The following RGS10 variants were observed in gnomAD, a reference collection of about 807,000 sequenced individuals.
RGS10 encodes the protein regulator of G-protein signalling 10.
RGS10 carries 11 observed loss-of-function variants against 23.5 expected under a neutral mutation model. The ratio of observed to expected loss-of-function variants is 0.47; its 90% CI spans 0.29 to 0.77. RGS10 has a LOEUF of 0.77. Among genes scored for constraint, RGS10 ranks in the 30% least tolerant of loss-of-function variants. The probability of loss-of-function intolerance (pLI) is 0.08; values close to 1 mark genes in which losing one functional copy is unlikely to be tolerated. For missense variants in RGS10, 180 were observed against 226.3 expected (o/e 0.80, Z 1.31); for synonymous variants, 77 against 83.2 (o/e 0.92, Z 0.41).
chr10:119,513,241 T>C (rs1455186296), intron 4 of RGS10, among the ~76,000 whole-genome samples: 2 of 152,146 alleles, frequency 1.3e-5, no homozygotes, highest in Non-Finnish European at 2.9e-5. Flanking sequence ...GAGAATTGCC[T>C]GAGCTCAGGA....
At chr10:119,506,334 C>T (rs1351716291) in intron 4 of RGS10, among the ~76,000 whole-genome samples, 1 of 152,210 alleles carries the variant, frequency 6.6e-6, no homozygotes, top group Admixed American at 6.5e-5. Flanking sequence ...AGCGCCAGGA[C>T]GGGCCACACA....
At chr10:119,512,054 G>A (rs1045157727) in intron 4 of RGS10, among the ~76,000 whole-genome samples, 5 of 152,150 alleles carry the variant, frequency 3.3e-5, no homozygotes, top group Admixed American at 1.3e-4. Flanking sequence ...AGATTTTCCC[G>A]TTCTTCTAGG....
chr10:119,529,692 C>T (rs1303137878), intron 1 of RGS10, among the ~76,000 whole-genome samples: 3 of 152,190 alleles, frequency 2.0e-5, no homozygotes, highest in African/African-American at 7.2e-5. Flanking sequence ...AAGCAAACTA[C>T]TTCTATAACT....
intron 1 of RGS10, among the ~76,000 whole-genome samples, chr10:119,535,959 A>G (rs1442401830): frequency 1.3e-5 from 2 of 152,226 alleles, no homozygotes; most frequent in Non-Finnish European, 2.9e-5. Context: ...AGTGTAGTAC[A>G]TTTTTTAAAA....
In RGS10 at chr10:119,500,958, T is replaced by G. The variant is rs1170110888; in HGVS notation, c.400-699A>C. ...AAGAGGACACCCGACAGAGCTGAAGTGCCCCAGATTAGACGGCTGCCCCCG... is the reference window on the plus strand; with the variant it reads ...AAGAGGACACCCGACAGAGCTGAAGGGCCCCAGATTAGACGGCTGCCCCCG... On this transcript the variant is annotated intron_variant, in intron 4 of 4. Coordinates refer to ENST00000369103, the MANE Select transcript of RGS10 (RefSeq NM_001005339.2). Among the ~76,000 whole-genome samples, 9 of 152,064 alleles carry G rather than the reference T, an allele frequency of 5.9e-5. No individual in the cohort carries two copies. In the East Asian group the frequency reaches 1.7e-3, roughly 29 times the overall value.
chr10:119,516,033 C>T (rs924392114), intron 3 of RGS10, among the ~76,000 whole-genome samples: 5 of 152,206 alleles, frequency 3.3e-5, no homozygotes, highest in African/African-American at 1.2e-4. Flanking sequence ...AGATTGATCA[C>T]CTGAGGTCAG....
Position 119,542,640 on chromosome 10 carries a change from G to A in RGS10, c.-2C>T. 1 of 1,403,772 alleles carries A rather than the reference G, an allele frequency of 7.1e-7. No individual in the cohort carries two copies. Among genetic ancestry groups the A allele is most frequent in the South Asian group, 1.5e-5 (1 of 68,460 alleles). 87.0% of individuals were successfully genotyped at this position (1,403,772 alleles called of 1,614,324 possible). On this transcript the variant is annotated 5_prime_UTR_variant, in exon 1 of 5. Coordinates refer to ENST00000369103, the MANE Select transcript of RGS10 (RefSeq NM_001005339.2). The stretch of plus-strand genomic sequence containing the variant: ...CCGGCTCACGGCGCGGTTGAACATC[G>A]CCGCGGGCGCCCGAGGAGGAAGAAG...
At position 119,517,242 on chromosome 10, in the gene RGS10, G is replaced by A. The variant is rs970308011; in HGVS notation, c.256-1590C>T. 2.0e-5 allele frequency among the ~76,000 whole-genome samples: 3 copies of A among 152,238 alleles called. No individual in the cohort carries two copies. Among genetic ancestry groups the A allele is most frequent in the South Asian group, 2.1e-4 (1 of 4,830 alleles). On this transcript the variant is annotated intron_variant, in intron 3 of 4. Coordinates refer to ENST00000369103, the MANE Select transcript of RGS10 (RefSeq NM_001005339.2). The surrounding 1 kb of genome is among the most constrained non-coding windows in gnomAD (Gnocchi z 5.0). ...ACGGCCTGGCCATGTCCTGTTCTGC[G>A]AGAAAGCAAGCCTCACCAGCACTTG...
chr10:119,541,247 C>A (rs2917930), intron 1 of RGS10, among the ~76,000 whole-genome samples: 147,695 of 152,272 alleles, frequency 0.97, 71,786 homozygotes, highest in East Asian at 1. Context: ...ACCATAGAGA[C>A]TGGTTAACAT....
At chr10:119,526,156 CTTTAAAAAAAAA>C (rs773382821) in intron 2 of RGS10, 38 bp from the exon 3 acceptor site, 2 of 1,099,490 alleles carry the variant, frequency 1.8e-6, no homozygotes, top group Non-Finnish European at 2.6e-6. Context: ...CAGTATTCTA[CTTTAAAAAAAAA>C]ATAAAACAAA....
chr10:119,522,791 G>C (rs953357859), intron 3 of RGS10, among the ~76,000 whole-genome samples: 1 of 150,260 alleles, frequency 6.7e-6, no homozygotes, highest in Non-Finnish European at 1.5e-5. Flanking sequence ...CACACTTTTT[G>C]TAGTAATTTA....
chr10:119,507,559 C>A (rs1389217154), intron 4 of RGS10, among the ~76,000 whole-genome samples: 2 of 148,176 alleles, frequency 1.3e-5, no homozygotes, highest in Admixed American at 6.8e-5. Flanking sequence ...TGGCTGGGAG[C>A]ACTAGCATCT....
At chr10:119,535,851 T>C (rs1292914200) in intron 1 of RGS10, among the ~76,000 whole-genome samples, 2 of 152,214 alleles carry the variant, frequency 1.3e-5, no homozygotes, top group African/African-American at 4.8e-5. Flanking sequence ...ACACACACAC[T>C]GTACTCCTTT....
intron 4 of RGS10, among the ~76,000 whole-genome samples, chr10:119,503,354 A>G (rs957412768): frequency 3.3e-5 from 5 of 151,894 alleles, no homozygotes; most frequent in Non-Finnish European, 7.4e-5. Flanking sequence ...AAAAAAAAAA[A>G]AGAGAATGCA....
At chr10:119,535,186 G>T (rs1564716576) in intron 1 of RGS10, among the ~76,000 whole-genome samples, 1 of 150,890 alleles carries the variant, frequency 6.6e-6, no homozygotes, top group Non-Finnish European at 1.5e-5. Context: ...ACTCACAGAG[G>T]CCAGAACACA....
At chr10:119,502,148 C>T (rs943879195) in intron 4 of RGS10, among the ~76,000 whole-genome samples, 1 of 151,246 alleles carries the variant, frequency 6.6e-6, no homozygotes, top group East Asian at 2.0e-4. Context: ...AAAAAACAAA[C>T]TTTTTTTTAA....
intron 4 of RGS10, among the ~76,000 whole-genome samples, chr10:119,500,775 A>G (rs1404200047): frequency 2.0e-5 from 3 of 151,358 alleles, no homozygotes; most frequent in African/African-American, 7.3e-5. Flanking sequence ...AGGCGTGCTC[A>G]CTGCAGGGCA....
chr10:119,524,266 TG>T lies in RGS10; in HGVS notation c.255+1765del, dbSNP rs895563046. Among the ~76,000 whole-genome samples, 2 of 152,080 alleles carry T rather than the reference TG, an allele frequency of 1.3e-5. No homozygotes were observed. Among genetic ancestry groups the T allele is most frequent in the African/African-American group, 2.4e-5 (1 of 41,398 alleles). ...ACCAAGCAGGCACTTCACAAAGATT[TG>T]GGGAATTCAACTGAACGGAGGCACA... On this transcript the variant is annotated intron_variant, in intron 3 of 4. Transcript: ENST00000369103. The surrounding 1 kb of genome is among the most constrained non-coding windows in gnomAD (Gnocchi z 5.2).
At chr10:119,516,243 C>G (rs1224492956) in intron 3 of RGS10, 1 of 95,312 alleles carries the variant, frequency 1.0e-5, no homozygotes, top group Non-Finnish European at 2.1e-5. Flanking sequence ...CAGAGTGAGA[C>G]TGTCTCTCAA....
Sources: gnomAD v4.1 joint callset for allele counts (sites outside exome capture counted in the v4.1 genomes callset) on GRCh38, gnomAD v4.1.1 for gene constraint, Gnocchi (gnomAD v3.1) non-coding constraint, MANE v1.5 for transcripts, NCBI Gene and HGNC (gene_info 2026-07-23, HGNC 2026-07-21) for gene names.